The following MINDY2 variants were observed in gnomAD, a reference collection of about 807,000 sequenced individuals.
MINDY2 encodes the protein ubiquitin carboxyl-terminal hydrolase MINDY-2.
In MINDY2, 52 loss-of-function variants were observed where a neutral mutation model predicts 68.2. That is an observed-to-expected ratio of 0.76 (90% confidence interval 0.61 to 0.96). MINDY2 has a LOEUF of 0.96. Among genes scored for constraint, MINDY2 ranks in the 40% least tolerant of loss-of-function variants. MINDY2 has a pLI of 0.00. For missense variants in MINDY2, 881 were observed against 773.4 expected (o/e 1.14, Z -1.65); for synonymous variants, 372 against 303.0 (o/e 1.23, Z -2.36).
chr15:58,822,281 A>G (rs2031112781), intron 5 of MINDY2, among the ~76,000 whole-genome samples: 1 of 151,982 alleles, frequency 6.6e-6, no homozygotes, highest in Admixed American at 6.6e-5. Flanking sequence ...AGAAGTAATC[A>G]TTCATAAAGG....
rs533078522 is a variant in MINDY2 at position 58,771,538 on chromosome 15, C to G, written c.143C>G (p.Thr48Ser). 3.4e-5 allele frequency: 55 copies of G among 1,611,796 alleles called. No individual in the cohort carries two copies. In the Admixed American group the frequency reaches 9.0e-4, roughly 26 times the overall value. The part of the protein sequence containing the change: ...GDGPGVWAAE[T>S]SGGNGLGAAA... The stretch of plus-strand genomic sequence containing the variant: ...GGTCCTGGGGTATGGGCGGCGGAGA[C>G]CAGCGGCGGGAATGGGCTGGGGGCG... Residue 48 changes from threonine to serine, a missense_variant, in exon 1 of 9, where the codon ACC (threonine) becomes AGC (serine). Thr to Ser is a moderately conservative substitution (Grantham distance 58). Transcript: ENST00000559228.
intron 2 of MINDY2, among the ~76,000 whole-genome samples, chr15:58,796,850 G>A (rs1230562389): frequency 6.6e-6 from 1 of 152,130 alleles, no homozygotes; most frequent in African/African-American, 2.4e-5. Flanking sequence ...TATAATTTAA[G>A]TAATGAGTTA....
At chr15:58,821,899 T>G in intron 5 of MINDY2, 80 bp downstream of exon 5, 1 of 922,554 alleles carries the variant, frequency 1.1e-6, no homozygotes, top group Non-Finnish European at 1.6e-6. Context: ...CTTTCAAATT[T>G]CTTAAATAAG....
At chr15:58,801,775 G>C (rs1902677456) in intron 2 of MINDY2, among the ~76,000 whole-genome samples, 1 of 152,116 alleles carries the variant, frequency 6.6e-6, no homozygotes, top group Non-Finnish European at 1.5e-5. Context: ...AAGTAGCTGG[G>C]ATTACAGGCA....
At chr15:58,850,375 A>C (rs1303827983) in intron 7 of MINDY2, among the ~76,000 whole-genome samples, 1 of 152,200 alleles carries the variant, frequency 6.6e-6, no homozygotes, top group African/African-American at 2.4e-5. Flanking sequence ...AGTGGAAAAG[A>C]AAACATTACA....
chr15:58,822,809 A>G (rs1341162454), intron 5 of MINDY2, among the ~76,000 whole-genome samples: 2 of 152,316 alleles, frequency 1.3e-5, no homozygotes, highest in East Asian at 3.9e-4. Context: ...CTGAGGCTAT[A>G]ATTCTTCTGT....
chr15:58,780,277 G>T (rs1268300497), intron 1 of MINDY2, among the ~76,000 whole-genome samples: 2 of 152,014 alleles, frequency 1.3e-5, no homozygotes, highest in African/African-American at 4.8e-5. Context: ...GGTGGCACAT[G>T]CCTGTAATCC....
At chr15:58,825,507 C>G (rs1220301033) in intron 5 of MINDY2, among the ~76,000 whole-genome samples, 1 of 152,138 alleles carries the variant, frequency 6.6e-6, no homozygotes, top group Non-Finnish European at 1.5e-5. Flanking sequence ...AAGCGCAGTA[C>G]CAGCAGCCAG....
intron 3 of MINDY2, 144 bp downstream of exon 3, chr15:58,802,521 T>C: frequency 2.3e-6 from 1 of 443,794 alleles, no homozygotes; most frequent in Non-Finnish European, 4.0e-6. Flanking sequence ...TCAGTCTCTA[T>C]TACATATTCT....
chr15:58,806,417 G>A (rs1297554526), intron 3 of MINDY2, among the ~76,000 whole-genome samples: 1 of 149,244 alleles, frequency 6.7e-6, no homozygotes, highest in Non-Finnish European at 1.5e-5. Flanking sequence ...GTTTGCCGTG[G>A]TGCTATCGTG....
At chr15:58,834,144 G>A (rs1442314411) in intron 6 of MINDY2, among the ~76,000 whole-genome samples, 10 of 152,156 alleles carry the variant, frequency 6.6e-5, no homozygotes, top group African/African-American at 9.7e-5. Context: ...CACAGCACAC[G>A]TTTCAGGGAG....
intron 6 of MINDY2, among the ~76,000 whole-genome samples, chr15:58,842,801 A>G (rs187592830): frequency 6.6e-6 from 1 of 152,314 alleles, no homozygotes; most frequent in Admixed American, 6.5e-5. Flanking sequence ...AGGAGTGGAT[A>G]TTATTATTCT....
intron 2 of MINDY2, among the ~76,000 whole-genome samples, chr15:58,793,892 AG>A (rs1240745458): frequency 6.6e-6 from 1 of 152,140 alleles, no homozygotes; most frequent in Non-Finnish European, 1.5e-5. Context: ...TGAATGGATT[AG>A]AGAGCTGTGG....
At chr15:58,827,211 TC>T (rs2031453051) in intron 5 of MINDY2, among the ~76,000 whole-genome samples, 1 of 152,246 alleles carries the variant, frequency 6.6e-6, no homozygotes, top group Non-Finnish European at 1.5e-5. Flanking sequence ...GATGTCCTTT[TC>T]CCTTGGTAGT....
At chr15:58,799,895 A>G (rs891482065) in intron 2 of MINDY2, among the ~76,000 whole-genome samples, 1 of 152,218 alleles carries the variant, frequency 6.6e-6, no homozygotes, top group Admixed American at 6.5e-5. Flanking sequence ...ATGAAACTCA[A>G]CATAAACTGG....
intron 5 of MINDY2, among the ~76,000 whole-genome samples, chr15:58,830,099 G>C (rs2031633631): frequency 6.6e-6 from 1 of 152,122 alleles, no homozygotes; most frequent in Non-Finnish European, 1.5e-5. Context: ...AAGAAGAAGA[G>C]AAATACAAGT....
chr15:58,819,169 C>A (rs1432773142), intron 4 of MINDY2, among the ~76,000 whole-genome samples: 3 of 152,094 alleles, frequency 2.0e-5, no homozygotes, highest in Non-Finnish European at 4.4e-5. Context: ...TTTTTAGAGG[C>A]CTTGCATGGT....
At chr15:58,782,911 G>GTTTTTTTTTTTGTT (rs1901242989) in intron 1 of MINDY2, among the ~76,000 whole-genome samples, 1 of 64,470 alleles carries the variant, frequency 1.6e-5, no homozygotes, top group Non-Finnish European at 2.6e-5. Context: ...TTTTCTCTCT[G>GTTTTTTTTTTTGTT]TTTTTTTTTT....
At chr15:58,805,098 A>G (rs1194232176) in intron 3 of MINDY2, among the ~76,000 whole-genome samples, 2 of 152,242 alleles carry the variant, frequency 1.3e-5, no homozygotes, top group African/African-American at 4.8e-5. Context: ...TATTGGCTCA[A>G]AGTTGAAACA....
Sources: allele counts gnomAD v4.1 joint callset (sites outside exome capture counted in the v4.1 genomes callset), GRCh38; gene constraint gnomAD v4.1.1; transcripts MANE v1.5; gene names NCBI Gene and HGNC (gene_info 2026-07-23, HGNC 2026-07-21).